Variants in EYS observed in about 807,000 individuals in gnomAD.
EYS encodes protein eyes shut homolog.
A neutral mutation model predicts 282.1 loss-of-function variants in EYS; 250 were observed. The ratio of observed to expected loss-of-function variants is 0.89; its 90% CI spans 0.80 to 0.98. The LOEUF is 0.98. Ranked by LOEUF, EYS falls within the 50% of genes least tolerant of loss-of-function variation. The probability of loss-of-function intolerance (pLI) is 0.00; values close to 1 mark genes in which losing one functional copy is unlikely to be tolerated. For missense variants in EYS, 4,016 were observed against 3,709.0 expected, an observed-to-expected ratio of 1.08 and a Z score of -2.15; for synonymous variants, 1,355 against 1,282.9, an observed-to-expected ratio of 1.06 and a Z score of -1.20.
intron 29 of EYS, among the ~76,000 whole-genome samples, chr6:64,321,875 T>G (rs1235299818): frequency 6.6e-6 from 1 of 151,946 alleles, no homozygotes; most frequent in Non-Finnish European, 1.5e-5. Context: ...ACAAAACAAC[T>G]ATATAAATAT....
chr6:64,387,673 G>A (rs541597278), intron 29 of EYS, among the ~76,000 whole-genome samples: 10 of 152,026 alleles, frequency 6.6e-5, no homozygotes, highest in Middle Eastern at 3.4e-3. Context: ...TTTCATTTAC[G>A]AAAAAGTCAA....
chr6:65,488,012 A>G (rs60648418), intron 5 of EYS, among the ~76,000 whole-genome samples: 192 of 152,092 alleles, frequency 1.3e-3, no homozygotes, highest in Middle Eastern at 6.8e-3. Context: ...TGTGAGATCG[A>G]TGGTGATATC....
intron 22 of EYS, among the ~76,000 whole-genome samples, chr6:64,780,255 G>T (rs989634072): frequency 1.3e-5 from 2 of 152,088 alleles, no homozygotes; most frequent in African/African-American, 4.8e-5. Flanking sequence ...GTAATAAGAG[G>T]CTGAAATAAG....
chr6:64,578,027 C>A (rs1765938447), intron 26 of EYS, among the ~76,000 whole-genome samples: 1 of 152,092 alleles, frequency 6.6e-6, no homozygotes, highest in Non-Finnish European at 1.5e-5. Flanking sequence ...CTCAAGCTTT[C>A]ATGCTGACAG....
At chr6:65,369,607 C>T (rs67312076) in intron 8 of EYS, among the ~76,000 whole-genome samples, 32,116 of 150,994 alleles carry the variant, frequency 0.21, 4,013 homozygotes, top group Non-Finnish European at 0.27. Flanking sequence ...CTATTTTCCA[C>T]TTTCTGCAAC....
intron 35 of EYS, among the ~76,000 whole-genome samples, chr6:63,934,331 G>A (rs1437743376): frequency 6.6e-6 from 1 of 152,156 alleles, no homozygotes; most frequent in Non-Finnish European, 1.5e-5. Context: ...CATTGTGGAA[G>A]TCAGTGTGGC....
intron 31 of EYS, among the ~76,000 whole-genome samples, chr6:64,084,588 C>T (rs1772083031): frequency 1.3e-5 from 2 of 152,270 alleles, no homozygotes; most frequent in East Asian, 1.9e-4. Flanking sequence ...TAGTCTTATA[C>T]CCTCCCCTAG....
chr6:65,331,349 T>C, intron 11 of EYS: 1 of 721,176 alleles, frequency 1.4e-6, no homozygotes, highest in Non-Finnish European at 1.7e-6. Context: ...ATATAGAGGG[T>C]CTTTTTAATG....
At chr6:65,060,766 A>T (rs529464781) in intron 12 of EYS, among the ~76,000 whole-genome samples, 1 of 136,632 alleles carries the variant, frequency 7.3e-6, no homozygotes, top group East Asian at 2.0e-4. Context: ...GTGTATATAC[A>T]TGTGTATATA....
At chr6:64,689,793 G>T (rs1770303872) in intron 22 of EYS, among the ~76,000 whole-genome samples, 1 of 152,142 alleles carries the variant, frequency 6.6e-6, no homozygotes. Flanking sequence ...GCTGAGACTG[G>T]ATCCCTTCCT....
chr6:64,280,407 A>G (rs768652254), intron 30 of EYS, among the ~76,000 whole-genome samples: 1 of 152,094 alleles, frequency 6.6e-6, no homozygotes, highest in Non-Finnish European at 1.5e-5. Flanking sequence ...AAATTCTATT[A>G]TTCTTATGAT....
chr6:63,738,555 G>A (rs1303342431), intron 41 of EYS, among the ~76,000 whole-genome samples: 1 of 141,116 alleles, frequency 7.1e-6, no homozygotes, highest in Non-Finnish European at 1.5e-5. Flanking sequence ...CATGGACACA[G>A]GAAGGGGAAC....
intron 18 of EYS, among the ~76,000 whole-genome samples, chr6:64,888,758 T>A (rs1767177777): frequency 6.6e-6 from 1 of 152,090 alleles, no homozygotes; most frequent in Non-Finnish European, 1.5e-5. Context: ...ATCTGCTAAA[T>A]GTCTTACTAA....
At chr6:64,026,642 G>C (rs868034850) in intron 33 of EYS, among the ~76,000 whole-genome samples, 2 of 152,150 alleles carry the variant, frequency 1.3e-5, no homozygotes, top group Non-Finnish European at 2.9e-5. Context: ...AATATGCAAA[G>C]CTTGCAATTT....
intron 24 of EYS, among the ~76,000 whole-genome samples, chr6:64,594,235 CAAAGA>C (rs1013865724): frequency 1.3e-5 from 2 of 152,040 alleles, no homozygotes; most frequent in Non-Finnish European, 2.9e-5. Context: ...TAATTCGCAA[CAAAGA>C]AAAGCCCAGG....
chr6:64,777,142 T>C (rs1016226869), intron 22 of EYS, among the ~76,000 whole-genome samples: 3 of 152,136 alleles, frequency 2.0e-5, no homozygotes, highest in Non-Finnish European at 1.5e-5. Context: ...ATGATTCAAT[T>C]ACATTCAAGA....
At chr6:63,744,044 T>A (rs1769149043) in intron 41 of EYS, 1 of 152,208 alleles carries the variant, frequency 6.6e-6, no homozygotes, top group South Asian at 2.1e-4. Context: ...GTTTTGAAAA[T>A]AGTGAAGTAC....
intron 30 of EYS, among the ~76,000 whole-genome samples, chr6:64,234,255 T>C (rs1032013634): frequency 9.5e-5 from 13 of 137,284 alleles, no homozygotes; most frequent in Non-Finnish European, 1.6e-4. Context: ...TAAAGAAAAC[T>C]CACTTTTTTT....
At chr6:65,474,712 A>G (rs563519280) in intron 5 of EYS, among the ~76,000 whole-genome samples, 82 of 152,282 alleles carry the variant, frequency 5.4e-4, no homozygotes, top group Non-Finnish European at 9.0e-4. Flanking sequence ...GATCAGAGCA[A>G]AATCAAAATA....
Sources: allele counts gnomAD v4.1 joint callset (sites outside exome capture counted in the v4.1 genomes callset), GRCh38; gene constraint gnomAD v4.1.1; transcripts MANE v1.5; gene names NCBI Gene and HGNC (gene_info 2026-07-23, HGNC 2026-07-21).